The following NYNRIN variants were observed in gnomAD, a reference collection of about 807,000 sequenced individuals.
The protein encoded by NYNRIN is protein NYNRIN.
A neutral mutation model predicts 146.6 loss-of-function variants in NYNRIN; 86 were observed. The ratio of observed to expected loss-of-function variants is 0.59; its 90% CI spans 0.49 to 0.70. NYNRIN has a LOEUF of 0.70. NYNRIN is among the 30% of genes least tolerant of loss of function. The probability of loss-of-function intolerance (pLI) is 0.00; values close to 1 mark genes in which losing one functional copy is unlikely to be tolerated. For synonymous variants in NYNRIN, 1,027 were observed against 1,001.3 expected (o/e 1.03, Z -0.48); for missense variants, 2,191 against 2,377.7 (o/e 0.92, Z 1.63).
Position 24,399,313 on chromosome 14 carries a change from C to G in NYNRIN, c.67C>G (p.Arg23Gly). 1 of 1,613,952 alleles carries G rather than the reference C, an allele frequency of 6.2e-7. No individual in the cohort carries two copies. ...CATGGTGCAGACAAAATCGAAGCCT[C>G]GGGTGCAGCGGCAGCGGCTGCAAGT... ...WFMVQTKSKPRVQRQRLQVQR... is the reference protein window; with the variant it reads ...WFMVQTKSKPGVQRQRLQVQR... The change falls in exon 2 of 9, where the codon CGG becomes GGG. Residue 23 changes from arginine (R) to glycine (G), a missense_variant. Physicochemically the swap from Arg to Gly is moderately radical, Grantham distance 125. This residue lies in a region of NYNRIN where 895 missense variants were observed against 941.2 expected (regional missense o/e 0.95). Coordinates refer to ENST00000382554, the MANE Select transcript of NYNRIN (RefSeq NM_025081.3).
In NYNRIN at chr14:24,418,975, C is replaced by G. The variant is rs920513084; in HGVS notation, c.*1529C>G. 1 of 152,246 alleles carries G rather than the reference C, an allele frequency of 6.6e-6. No individual in the cohort carries two copies. Among genetic ancestry groups the G allele is most frequent in the Admixed American group, 6.5e-5 (1 of 15,282 alleles). 9.4% of individuals were successfully genotyped at this position (152,246 alleles called of 1,614,324 possible). On this transcript the variant is annotated 3_prime_UTR_variant, in exon 9 of 9. Coordinates refer to ENST00000382554, the MANE Select transcript of NYNRIN (RefSeq NM_025081.3). ...TACACCCACATTCTCTCCAACTCTTCATCTCCCTGATCTTCCAGACAAACT... is the reference window on the plus strand; with the variant it reads ...TACACCCACATTCTCTCCAACTCTTGATCTCCCTGATCTTCCAGACAAACT...
chr14:24,401,963 T>C (rs950864617), intron 2 of NYNRIN, among the ~76,000 whole-genome samples: 10 of 152,126 alleles, frequency 6.6e-5, no homozygotes, highest in Non-Finnish European at 1.2e-4. Flanking sequence ...TCATGCACTT[T>C]GTTAGTGGCA....
Position 24,411,172 on chromosome 14 carries a change from C to CA in NYNRIN, c.2512dup (p.Thr838AsnfsTer33), listed in dbSNP as rs1387525537. On this transcript the variant is annotated frameshift_variant, in exon 5 of 9. Transcript: ENST00000382554. LOFTEE classifies it high-confidence loss of function. The surrounding 1 kb of genome is among the most constrained non-coding windows in gnomAD (Gnocchi z 4.3). The stretch of plus-strand genomic sequence containing the variant: ...ACCGAGAGGTCACTGTGTTTGTACC[C>CA]ACCTGGCAGCTGAAGAAGAACCGGA... The CA allele has an allele frequency of 6.2e-7, 1 of 1,605,846 alleles. No individual in the cohort carries two copies. Among genetic ancestry groups the CA allele is most frequent in the Non-Finnish European group, 8.5e-7 (1 of 1,176,010 alleles).
intron 8 of NYNRIN, 97 bp downstream of exon 8, chr14:24,413,514 A>G (rs1047787903): frequency 2.5e-5 from 19 of 752,458 alleles, no homozygotes; most frequent in African/African-American, 1.8e-5. Flanking sequence ...AATAATGATC[A>G]GAGTGATCTG....
Position 24,417,240 on chromosome 14 carries a change from C to T in NYNRIN, c.5491C>T (p.Gln1831Ter). 1.2e-6 allele frequency: 2 copies of T among 1,614,012 alleles called. No homozygotes were observed. Among genetic ancestry groups the T allele is most frequent in the Non-Finnish European group, 1.7e-6 (2 of 1,179,884 alleles). Residue 1831 changes from glutamine to a stop codon, truncating the protein, a stop_gained, in exon 9 of 9, where the codon CAG becomes TAG. Transcript: ENST00000382554. LOFTEE classifies it high-confidence loss of function. Reference protein sequence around the residue: ...SQEKEWNVGDQVLLLSLPRNG... With the variant: ...SQEKEWNVGD ...GGAGAAGGAGTGGAATGTGGGTGAC[C>T]AGGTCCTTTTGCTGTCCCTCCCCAG...
chr14:24,399,102 T>C lies in NYNRIN; in HGVS notation c.-18+16T>C, dbSNP rs1320574712. ...GCCGTGCGGGGTGGGTCCCGCCGCCTGGAGGAAGGAGGCCGTGCGGGGGGC... is the reference window on the plus strand; with the variant it reads ...GCCGTGCGGGGTGGGTCCCGCCGCCCGGAGGAAGGAGGCCGTGCGGGGGGC... On this transcript the variant is annotated intron_variant, in intron 1 of 8. Coordinates refer to ENST00000382554, the MANE Select transcript of NYNRIN (RefSeq NM_025081.3). The C allele has an allele frequency of 1.1e-5, 8 of 737,928 alleles. No individual in the cohort carries two copies. Among genetic ancestry groups the C allele is most frequent in the Admixed American group, 9.8e-5 (3 of 30,556 alleles). The allele number at this position is 737,928 out of a possible 1,614,324, so 45.7% of individuals were successfully genotyped here.
intron 2 of NYNRIN, among the ~76,000 whole-genome samples, chr14:24,401,338 C>T (rs181746495): frequency 2.6e-5 from 4 of 152,090 alleles, no homozygotes; most frequent in Non-Finnish European, 5.9e-5. Context: ...GGGAACCCAG[C>T]GTGAGGGGAT....
chr14:24,410,264 A>C, intron 4 of NYNRIN, 56 bp downstream of exon 4: 1 of 1,404,148 alleles, frequency 7.1e-7, no homozygotes, highest in Non-Finnish European at 9.8e-7. Flanking sequence ...GGGGCAGGGC[A>C]TCCCTGGGGG....
intron 2 of NYNRIN, among the ~76,000 whole-genome samples, chr14:24,406,561 G>T (rs1336051135): frequency 6.6e-6 from 1 of 152,220 alleles, no homozygotes; most frequent in Non-Finnish European, 1.5e-5. Flanking sequence ...CAGGCTCTGA[G>T]GAAGAAGTTG....
chr14:24,399,515 T>C (rs2042827445), intron 2 of NYNRIN, 71 bp downstream of exon 2: 2 of 1,362,844 alleles, frequency 1.5e-6, no homozygotes, highest in Non-Finnish European at 1.0e-6. Context: ...CCTGGGGAGA[T>C]GGTGGTCCGC....
chr14:24,418,382 C>A lies in NYNRIN; in HGVS notation c.*936C>A. Reference sequence around the variant, plus strand: ...TCTACCTCCCAACCCCTCCCAACCCCATCCCAAAGCCTACAGTCCTCTGCT... The same window carrying A: ...TCTACCTCCCAACCCCTCCCAACCCAATCCCAAAGCCTACAGTCCTCTGCT... On this transcript the variant is annotated 3_prime_UTR_variant, in exon 9 of 9. Coordinates refer to ENST00000382554, the MANE Select transcript of NYNRIN (RefSeq NM_025081.3). 2.4e-6 allele frequency: 1 copy of A among 421,014 alleles called. No homozygotes were observed. The allele number at this position is 421,014 out of a possible 1,614,324, so 26.1% of individuals were successfully genotyped here.
chr14:24,414,157 C>G (rs566129697), intron 8 of NYNRIN, among the ~76,000 whole-genome samples: 2 of 152,306 alleles, frequency 1.3e-5, no homozygotes, highest in Non-Finnish European at 2.9e-5. Flanking sequence ...CCAGTCTTAC[C>G]TTGCCAATTT....
At chr14:24,402,510 C>T (rs75391305) in intron 2 of NYNRIN, among the ~76,000 whole-genome samples, 16,331 of 152,162 alleles carry the variant, frequency 0.11, 1,206 homozygotes, top group Admixed American at 0.23. Context: ...TGACATCTGG[C>T]TTGGCTGTCA....
At chr14:24,403,779 T>C (rs2042859490) in intron 2 of NYNRIN, among the ~76,000 whole-genome samples, 1 of 152,214 alleles carries the variant, frequency 6.6e-6, no homozygotes, top group South Asian at 2.1e-4. Flanking sequence ...TCCAGTGGCT[T>C]CCCGGGAAAA....
chr14:24,408,339 C>T lies in NYNRIN; in HGVS notation c.669C>T (p.Cys223=). The T allele has an allele frequency of 6.2e-7, 1 of 1,613,794 alleles. No homozygotes were observed. Among genetic ancestry groups the T allele is most frequent in the South Asian group, 1.1e-5 (1 of 91,086 alleles). The change falls in exon 3 of 9, where the codon TGC becomes TGT. Residue 223 remains cysteine (C), a synonymous_variant. Coordinates refer to ENST00000382554, the MANE Select transcript of NYNRIN (RefSeq NM_025081.3). ...DSHSDPEVLI[C]PPQQQKEAPA... is the part of the protein sequence containing the mutation. ...ACTCCGATCCGGAGGTTCTAATCTG[C>T]CCTCCCCAGCAGCAGAAGGAAGCCC...
In NYNRIN at chr14:24,416,724, G is replaced by A; in HGVS notation, c.4975G>A (p.Val1659Met). ...FPLKPYTHTA[V>M]AQVLLQHVFA... is the part of the protein sequence containing the mutation. ...CCTGAAGCCCTACACACACACGGCT[G>A]TGGCCCAGGTGCTGCTTCAGCATGT... is the stretch of plus-strand genomic sequence containing the variant. The change falls in exon 9 of 9, where the codon GTG becomes ATG. Residue 1659 changes from valine (V) to methionine (M), a missense_variant. Val to Met is a conservative substitution (Grantham distance 21, BLOSUM62 1). This residue lies in a region of NYNRIN where 1,291 missense variants were observed against 1,417.0 expected (regional missense o/e 0.91). Transcript: ENST00000382554. 1 of 1,613,974 alleles carries A rather than the reference G, an allele frequency of 6.2e-7. No individual in the cohort carries two copies. The highest frequency in any genetic ancestry group is 8.5e-7 in the Non-Finnish European group (1 of 1,179,892).
In NYNRIN at chr14:24,409,000, G is replaced by A. The variant is rs777369080; in HGVS notation, c.1206G>A (p.Leu402=). ...AGAGACCTCTGGGCCCCATTCAGTTGAAGCTGCCAGGGCAGAATCCTTTGC... is the reference window on the plus strand; with the variant it reads ...AGAGACCTCTGGGCCCCATTCAGTTAAAGCTGCCAGGGCAGAATCCTTTGC... ...FWQRPLGPIQ[L]KLPGQNPLPL... is the part of the protein sequence containing the mutation. Residue 402 remains leucine, a synonymous_variant, in exon 4 of 9, where the codon TTG becomes TTA. Transcript: ENST00000382554. The A allele has an allele frequency of 2.4e-5, 38 of 1,613,698 alleles. No homozygotes were observed. In the Middle Eastern group the frequency reaches 8.2e-4, roughly 35 times the overall value.
At chr14:24,403,713 G>A (rs114992369) in intron 2 of NYNRIN, among the ~76,000 whole-genome samples, 2,467 of 152,208 alleles carry the variant, frequency 0.016, 65 homozygotes, top group African/African-American at 0.055. Context: ...TCTCTTCACC[G>A]TCATCCTGGA....
At chr14:24,399,132 C>T in intron 1 of NYNRIN, 46 bp downstream of exon 1, 2 of 976,942 alleles carry the variant, frequency 2.0e-6, no homozygotes, top group Non-Finnish European at 2.9e-6. Flanking sequence ...GGGGGCGCGC[C>T]GCGGGGAGGA....
Sources: allele counts gnomAD v4.1 joint callset (sites outside exome capture counted in the v4.1 genomes callset), GRCh38; gene constraint gnomAD v4.1.1; regional missense constraint gnomAD v4.1.1; non-coding constraint Gnocchi (gnomAD v3.1); transcripts MANE v1.5; gene names NCBI Gene and HGNC (gene_info 2026-07-23, HGNC 2026-07-21).